Variants in PBX3 observed in about 807,000 individuals in gnomAD.
The protein encoded by PBX3 is PBX homeobox 3, also known as pre-B-cell leukemia transcription factor 3.
A neutral mutation model predicts 48.5 loss-of-function variants in PBX3; 14 were observed. The observed-to-expected ratio is 0.29, with a 90% CI of 0.19 to 0.45. The LOEUF (loss-of-function observed/expected upper bound fraction) is 0.45, where lower values mean the gene tolerates loss of function less well. PBX3 is among the 20% of genes least tolerant of loss of function. PBX3 has a pLI of 1.00. For missense variants in PBX3, 386 were observed against 546.7 expected (o/e 0.71, Z 2.93); for synonymous variants, 210 against 200.3 (o/e 1.05, Z -0.41).
At chr9:125,773,571 A>T (rs1836995991) in intron 2 of PBX3, among the ~76,000 whole-genome samples, 1 of 152,224 alleles carries the variant, frequency 6.6e-6, no homozygotes, top group Non-Finnish European at 1.5e-5. Context: ...GGCACATAGT[A>T]GGAAGCACTC....
intron 5 of PBX3, among the ~76,000 whole-genome samples, chr9:125,935,939 G>C (rs1400917553): frequency 6.6e-6 from 1 of 152,172 alleles, no homozygotes; most frequent in African/African-American, 2.4e-5. Flanking sequence ...CCCTGATTTA[G>C]ATGACTGACC....
chr9:125,777,963 CT>C (rs574844395), intron 2 of PBX3, among the ~76,000 whole-genome samples: 9,633 of 137,756 alleles, frequency 0.07, 885 homozygotes, highest in African/African-American at 0.23. Flanking sequence ...CAAATCTTCT[CT>C]TTTTTTTTTT....
chr9:125,934,196 C>T (rs1212918205), intron 4 of PBX3, among the ~76,000 whole-genome samples: 1 of 152,130 alleles, frequency 6.6e-6, no homozygotes, highest in Non-Finnish European at 1.5e-5. Context: ...TTTGATCAGA[C>T]CTAGATTTCT....
At position 125,747,599 on chromosome 9, in the gene PBX3, T is replaced by C; in HGVS notation, c.146T>C (p.Ile49Thr). Residue 49 changes from isoleucine to threonine, a missense_variant, in exon 1 of 9, where the codon ATC (isoleucine) becomes ACC (threonine). Coordinates refer to ENST00000373489, the MANE Select transcript of PBX3 (RefSeq NM_006195.6). ...GGCAGGAAGCAGGACATCGGCGACATCCTCCACCAGATCATGACCATCACC... is the reference window on the plus strand; with the variant it reads ...GGCAGGAAGCAGGACATCGGCGACACCCTCCACCAGATCATGACCATCACC... ...GDGRKQDIGDILHQIMTITDQ... is the reference protein window; with the variant it reads ...GDGRKQDIGDTLHQIMTITDQ... The C allele has an allele frequency of 6.2e-7, 1 of 1,607,770 alleles. No individual in the cohort carries two copies.
intron 2 of PBX3, among the ~76,000 whole-genome samples, chr9:125,752,152 A>G (rs1836392811): frequency 6.6e-6 from 1 of 152,148 alleles, no homozygotes; most frequent in South Asian, 2.1e-4. Context: ...ATTTATTGCC[A>G]CCACAAACCC....
At chr9:125,762,402 T>G (rs1836694193) in intron 2 of PBX3, among the ~76,000 whole-genome samples, 1 of 152,204 alleles carries the variant, frequency 6.6e-6, no homozygotes, top group African/African-American at 2.4e-5. Context: ...GAGTTATTTT[T>G]TTCCCTTTAA....
chr9:125,845,342 A>G (rs1388906691), intron 2 of PBX3, among the ~76,000 whole-genome samples: 1 of 152,118 alleles, frequency 6.6e-6, no homozygotes, highest in East Asian at 1.9e-4. Context: ...ACAGTTGCAT[A>G]CATTACGCTT....
At position 125,886,026 on chromosome 9, in the gene PBX3, T is replaced by G. The variant is rs572114664; in HGVS notation, c.275-29660T>G. Among the ~76,000 whole-genome samples the G allele has an allele frequency of 7.9e-5, 12 of 152,246 alleles. 1 individual carries two copies. Among genetic ancestry groups the G allele is most frequent in the Admixed American group, 5.2e-4 (8 of 15,292 alleles). ...TTGTTTATAAAAATAATGTTAATAG[T>G]GACTGCTAGGTATCCCTGGGGCCCT... On this transcript the variant is annotated intron_variant, in intron 2 of 8. Coordinates refer to ENST00000373489, the MANE Select transcript of PBX3 (RefSeq NM_006195.6).
At chr9:125,780,280 G>T (rs868714463) in intron 2 of PBX3, among the ~76,000 whole-genome samples, 1 of 128,816 alleles carries the variant, frequency 7.8e-6, no homozygotes, top group East Asian at 2.8e-4. Flanking sequence ...TGGCTGGCCC[G>T]GCAGAGGGGC....
At chr9:125,918,305 C>T (rs1199718295) in intron 3 of PBX3, among the ~76,000 whole-genome samples, 1 of 152,184 alleles carries the variant, frequency 6.6e-6, no homozygotes, top group East Asian at 1.9e-4. Context: ...AAATATCCTA[C>T]AAAATTTTCC....
intron 2 of PBX3, among the ~76,000 whole-genome samples, chr9:125,910,575 A>G (rs1841180179): frequency 6.6e-6 from 1 of 151,946 alleles, no homozygotes; most frequent in Non-Finnish European, 1.5e-5. Flanking sequence ...TTGCCGTGTT[A>G]TATTTAATAT....
At chr9:125,833,695 G>T (rs1306104122) in intron 2 of PBX3, among the ~76,000 whole-genome samples, 1 of 152,078 alleles carries the variant, frequency 6.6e-6, no homozygotes, top group African/African-American at 2.4e-5. Flanking sequence ...TTACTTTCTA[G>T]GAACTTTTTG....
At chr9:125,748,694 C>G in intron 2 of PBX3, 71 bp downstream of exon 2, 1 of 1,142,800 alleles carries the variant, frequency 8.8e-7, no homozygotes, top group Non-Finnish European at 1.3e-6. Context: ...CTTCGACTCT[C>G]CAGTTGAGAG....
Position 125,761,576 on chromosome 9 carries a change from A to C in PBX3, c.274+12953A>C, listed in dbSNP as rs928633965. On this transcript the variant is annotated intron_variant, in intron 2 of 8. Coordinates refer to ENST00000373489, the MANE Select transcript of PBX3 (RefSeq NM_006195.6). ...TGCATGTCTCCGTAACATTAGAGAA[A>C]AAGCTACAGGGCCCCACTCATCTCA... 2.0e-5 allele frequency among the ~76,000 whole-genome samples: 3 copies of C among 152,130 alleles called. No individual in the cohort carries two copies. The South Asian group carries it at 6.2e-4, about 31-fold the overall frequency.
At chr9:125,837,143 G>A (rs967141772) in intron 2 of PBX3, among the ~76,000 whole-genome samples, 7 of 152,076 alleles carry the variant, frequency 4.6e-5, no homozygotes, top group African/African-American at 1.7e-4. Context: ...ACAGTAGAGG[G>A]CTGGTTAAAT....
chr9:125,923,284 G>A (rs1841494163), intron 3 of PBX3, among the ~76,000 whole-genome samples: 1 of 152,196 alleles, frequency 6.6e-6, no homozygotes, highest in African/African-American at 2.4e-5. Flanking sequence ...TATCTCAGGT[G>A]TCATTCACAT....
At chr9:125,764,172 C>T (rs547232996) in intron 2 of PBX3, among the ~76,000 whole-genome samples, 2 of 152,192 alleles carry the variant, frequency 1.3e-5, no homozygotes, top group South Asian at 4.2e-4. Flanking sequence ...TTTTTCCTGC[C>T]CCTCCCCCTG....
chr9:125,939,178 C>A (rs936636240), intron 5 of PBX3, among the ~76,000 whole-genome samples: 2 of 152,114 alleles, frequency 1.3e-5, no homozygotes, highest in East Asian at 3.9e-4. Flanking sequence ...TAGAAACAGT[C>A]CACGCACTGC....
intron 2 of PBX3, among the ~76,000 whole-genome samples, chr9:125,886,369 T>G (rs371676740): frequency 2.6e-5 from 4 of 152,254 alleles, no homozygotes. Flanking sequence ...TATCAGGTTT[T>G]TATCTCCTCA....
Sources: allele counts gnomAD v4.1 joint callset (sites outside exome capture counted in the v4.1 genomes callset), GRCh38; gene constraint gnomAD v4.1.1; transcripts MANE v1.5; gene names NCBI Gene and HGNC (gene_info 2026-07-23, HGNC 2026-07-21).